CACNA1E: variants seen among roughly 807,000 people sequenced by gnomAD.
The protein encoded by CACNA1E is voltage-dependent R-type calcium channel subunit alpha-1E.
A neutral mutation model predicts 259.2 loss-of-function variants in CACNA1E; 40 were observed. The ratio of observed to expected loss-of-function variants is 0.15; its 90% confidence interval spans 0.12 to 0.20. The LOEUF is 0.20. Among genes scored for constraint, CACNA1E ranks in the 10% least tolerant of loss-of-function variants. CACNA1E has a pLI of 1.00. For missense variants in CACNA1E, 1,874 were observed against 3,040.1 expected, an observed-to-expected ratio of 0.62 and a Z score of 9.02; for synonymous variants, 1,104 against 1,138.5, an observed-to-expected ratio of 0.97 and a Z score of 0.61.
intron 7 of CACNA1E, among the ~76,000 whole-genome samples, chr1:181,664,786 C>A (rs548187757): frequency 6.6e-6 from 1 of 151,756 alleles, no homozygotes; most frequent in Non-Finnish European, 1.5e-5. Flanking sequence ...CTGGGAGAAG[C>A]CAAGAATCCT....
At chr1:181,624,145 A>G (rs1245863623) in intron 6 of CACNA1E, among the ~76,000 whole-genome samples, 2 of 152,160 alleles carry the variant, frequency 1.3e-5, no homozygotes, top group Non-Finnish European at 2.9e-5. Context: ...CAGAACTAAT[A>G]GAGCAAGAAT....
intron 1 of CACNA1E, among the ~76,000 whole-genome samples, chr1:181,345,650 C>T (rs1339812648): frequency 2.0e-5 from 3 of 152,274 alleles, no homozygotes; most frequent in East Asian, 3.9e-4. Flanking sequence ...CAGTGGAGAG[C>T]GGGGCTCATC....
At chr1:181,620,353 T>C (rs552620247) in intron 6 of CACNA1E, among the ~76,000 whole-genome samples, 1 of 152,316 alleles carries the variant, frequency 6.6e-6, no homozygotes, top group East Asian at 1.9e-4. Flanking sequence ...GATATGAAGA[T>C]AAACTCACCT....
intron 20 of CACNA1E, 146 bp from the exon 21 acceptor site, chr1:181,733,291 T>C: frequency 1.3e-6 from 1 of 797,444 alleles, no homozygotes; most frequent in Non-Finnish European, 1.9e-6. Context: ...TTAGCACCTC[T>C]CTGCCTGTCT....
At chr1:181,482,913 G>A (rs1663418199), upstream of CACNA1E, among the ~76,000 whole-genome samples, 2 of 152,268 alleles carry the variant, frequency 1.3e-5, no homozygotes, top group African/African-American at 4.8e-5. Context: ...CGCTCCGGGC[G>A]GATGCTGGCA....
intron 12 of CACNA1E, 62 bp from the exon 13 acceptor site, chr1:181,719,689 C>G (rs1050662925): frequency 5.8e-6 from 5 of 868,222 alleles, no homozygotes; most frequent in Admixed American, 2.3e-5. Context: ...GTGCTGGGCG[C>G]TAGAATGCCC....
At chr1:181,502,178 G>C (rs552192891) in intron 1 of CACNA1E, among the ~76,000 whole-genome samples, 1 of 152,218 alleles carries the variant, frequency 6.6e-6, no homozygotes, top group African/African-American at 2.4e-5. Context: ...AAACACAGGG[G>C]TTTAGCCCTC....
intron 2 of CACNA1E, among the ~76,000 whole-genome samples, chr1:181,445,700 G>A (rs183643099): frequency 3.7e-4 from 56 of 152,362 alleles, no homozygotes; most frequent in Admixed American, 2.5e-3. Context: ...GGCAGCAGTT[G>A]GGGAGCATTC....
chr1:181,347,936 GAGGCTGCACAGC>G (rs1329569000), intron 1 of CACNA1E, among the ~76,000 whole-genome samples: 19 of 152,322 alleles, frequency 1.2e-4, no homozygotes, highest in African/African-American at 4.3e-4. Flanking sequence ...GTTAATTATT[GAGGCTGCACAGC>G]AGCTCTCCTT....
At chr1:181,335,601 C>T (rs1028968919) in intron 1 of CACNA1E, among the ~76,000 whole-genome samples, 1 of 152,194 alleles carries the variant, frequency 6.6e-6, no homozygotes, top group African/African-American at 2.4e-5. Context: ...CCAAGGCCTG[C>T]ATCCTGGAGC....
At chr1:181,356,399 A>G (rs1653439868) in intron 1 of CACNA1E, among the ~76,000 whole-genome samples, 1 of 152,076 alleles carries the variant, frequency 6.6e-6, no homozygotes, top group South Asian at 2.1e-4. Flanking sequence ...GATAGTCCCT[A>G]TATCAACTGT....
chr1:181,587,549 A>T (rs1417960697), intron 6 of CACNA1E, among the ~76,000 whole-genome samples: 1 of 152,212 alleles, frequency 6.6e-6, no homozygotes, highest in Non-Finnish European at 1.5e-5. Context: ...AGAAACCGTG[A>T]AAAGGGAGGA....
intron 3 of CACNA1E, among the ~76,000 whole-genome samples, chr1:181,564,798 G>T (rs1052808705): frequency 3.3e-5 from 5 of 152,148 alleles, no homozygotes; most frequent in African/African-American, 1.2e-4. Flanking sequence ...AGTGGATGTT[G>T]TGTTAGCAGG....
intron 18 of CACNA1E, among the ~76,000 whole-genome samples, chr1:181,729,555 C>A (rs2102531950): frequency 6.6e-6 from 1 of 152,328 alleles, no homozygotes; most frequent in Non-Finnish European, 1.5e-5. Flanking sequence ...GAAAACCACT[C>A]CGATCTCAGA....
intron 2 of CACNA1E, among the ~76,000 whole-genome samples, chr1:181,426,639 A>C (rs1659246496): frequency 7.4e-6 from 1 of 135,938 alleles, no homozygotes; most frequent in Non-Finnish European, 1.6e-5. Flanking sequence ...ACCCCTTCCC[A>C]TCTCAACCCC....
At chr1:181,642,905 T>G (rs199955) in intron 6 of CACNA1E, among the ~76,000 whole-genome samples, 1 of 151,508 alleles carries the variant, frequency 6.6e-6, no homozygotes, top group Non-Finnish European at 1.5e-5. Flanking sequence ...CTAATAATCA[T>G]TTTTTTCAAA....
intron 1 of CACNA1E, among the ~76,000 whole-genome samples, chr1:181,399,871 T>C (rs1250733509): frequency 6.6e-6 from 1 of 152,230 alleles, no homozygotes. Context: ...CAAATCACAA[T>C]TTCATGGATA....
At chr1:181,438,532 A>T (rs1023059684) in intron 2 of CACNA1E, among the ~76,000 whole-genome samples, 1 of 152,176 alleles carries the variant, frequency 6.6e-6, no homozygotes, top group Non-Finnish European at 1.5e-5. Context: ...TTTTTAAATC[A>T]TCAGGTGGGG....
At chr1:181,680,341 C>G (rs915962493) in intron 7 of CACNA1E, among the ~76,000 whole-genome samples, 1 of 152,082 alleles carries the variant, frequency 6.6e-6, no homozygotes, top group African/African-American at 2.4e-5. Context: ...GGAGCCAGGT[C>G]TGACGTGCTA....
Sources: allele counts gnomAD v4.1 joint callset (sites outside exome capture counted in the v4.1 genomes callset), GRCh38; gene constraint gnomAD v4.1.1; transcripts MANE v1.5; gene names NCBI Gene and HGNC (gene_info 2026-07-23, HGNC 2026-07-21).